KCNJ6: variants seen among roughly 807,000 people sequenced by gnomAD.
The protein encoded by KCNJ6 is G protein-activated inward rectifier potassium channel 2.
Under a neutral mutation model 34.2 loss-of-function variants are expected in KCNJ6, and 9 were observed. The ratio of observed to expected loss-of-function variants is 0.26; its 90% CI spans 0.16 to 0.46. KCNJ6 has a LOEUF of 0.46. KCNJ6 is among the 20% of genes least tolerant of loss of function. KCNJ6 has a pLI of 1.00. For synonymous variants in KCNJ6, 196 were observed against 207.1 expected, an observed-to-expected ratio of 0.95 and a Z score of 0.46; for missense variants, 236 against 531.3, an observed-to-expected ratio of 0.44 and a Z score of 5.46.
In KCNJ6 at chr21:37,711,798, C is replaced by CTG. The variant is rs1556022876; in HGVS notation, c.946+2412_946+2413insCA. Among the ~76,000 whole-genome samples the CTG allele has an allele frequency of 1.8e-4, 13 of 70,756 alleles. No individual in the cohort carries two copies. The East Asian group carries it at 2.9e-3, about 16-fold the overall frequency. The allele number at this position is 70,756 out of a possible 152,430, so 46.4% of individuals were successfully genotyped here. Reference sequence around the variant, plus strand: ...CAGACACCTCCAGAACTTTCTAGAACCCCCCCCCCAAGTCTAGAAATTAGA... The same window carrying CTG: ...CAGACACCTCCAGAACTTTCTAGAACTGCCCCCCCCCAAGTCTAGAAATTAGA... On this transcript the variant is annotated intron_variant, in intron 3 of 3. Coordinates refer to ENST00000609713, the MANE Select transcript of KCNJ6 (RefSeq NM_002240.5).
At chr21:37,676,607 G>A (rs1444809868) in intron 3 of KCNJ6, among the ~76,000 whole-genome samples, 1 of 152,222 alleles carries the variant, frequency 6.6e-6, no homozygotes, top group Non-Finnish European at 1.5e-5. Flanking sequence ...GGCCAGCTTG[G>A]GGAGGTAGCA....
intron 3 of KCNJ6, among the ~76,000 whole-genome samples, chr21:37,635,367 G>T (rs2054352902): frequency 6.6e-6 from 1 of 151,800 alleles, no homozygotes; most frequent in Admixed American, 6.6e-5. Context: ...ATAGGCGCTT[G>T]CCAGCACGCC....
intron 2 of KCNJ6, among the ~76,000 whole-genome samples, chr21:37,759,636 C>T (rs1467528469): frequency 6.6e-6 from 1 of 152,220 alleles, no homozygotes; most frequent in East Asian, 1.9e-4. Flanking sequence ...GTCTAAGTAG[C>T]ACTGTTGGTC....
rs150783679 is a variant in KCNJ6, at chr21:37,672,231, G to A, written c.946+41980C>T. 3.8e-4 allele frequency among the ~76,000 whole-genome samples: 58 copies of A among 152,190 alleles called. No individual in the cohort carries two copies. The East Asian group carries it at 5.0e-3, about 13-fold the overall frequency. On this transcript the variant is annotated intron_variant, in intron 3 of 3. Transcript: ENST00000609713. ...CATATGACCTCCTTAAGGACAATGAGATGCAAAGAAATATAGCTTTAGCTT... is the reference window on the plus strand; with the variant it reads ...CATATGACCTCCTTAAGGACAATGAAATGCAAAGAAATATAGCTTTAGCTT...
intron 2 of KCNJ6, among the ~76,000 whole-genome samples, chr21:37,822,876 G>A (rs2055380366): frequency 6.6e-6 from 1 of 152,168 alleles, no homozygotes; most frequent in Admixed American, 6.5e-5. Flanking sequence ...CGGGGGACTC[G>A]AGAGTGATGT....
chr21:37,848,997 C>T (rs1293495658), intron 1 of KCNJ6, among the ~76,000 whole-genome samples: 2 of 152,128 alleles, frequency 1.3e-5, no homozygotes, highest in Non-Finnish European at 2.9e-5. Flanking sequence ...TCCTAGAGCT[C>T]CTGGAAATAT....
At chr21:37,820,142 G>A (rs143145403) in intron 2 of KCNJ6, among the ~76,000 whole-genome samples, 42 of 152,176 alleles carry the variant, frequency 2.8e-4, no homozygotes, top group African/African-American at 8.9e-4. Context: ...AAAACAAACT[G>A]CAACTAATTA....
intron 2 of KCNJ6, among the ~76,000 whole-genome samples, chr21:37,816,536 G>C (rs1362333487): frequency 6.6e-6 from 1 of 152,236 alleles, no homozygotes; most frequent in Non-Finnish European, 1.5e-5. Flanking sequence ...TTTTGTGTAA[G>C]TCTGTGACCT....
At chr21:37,706,416 C>T (rs959915491) in intron 3 of KCNJ6, among the ~76,000 whole-genome samples, 2 of 152,216 alleles carry the variant, frequency 1.3e-5, no homozygotes, top group Non-Finnish European at 2.9e-5. Context: ...ACATTAGGCA[C>T]TGCCATATGA....
intron 2 of KCNJ6, among the ~76,000 whole-genome samples, chr21:37,749,644 TA>T (rs1486734532): frequency 6.6e-6 from 1 of 152,190 alleles, no homozygotes; most frequent in Non-Finnish European, 1.5e-5. Flanking sequence ...CATTTGTGGT[TA>T]AAAATTTTAG....
At chr21:37,694,155 C>G (rs1184207555) in intron 3 of KCNJ6, among the ~76,000 whole-genome samples, 2 of 152,208 alleles carry the variant, frequency 1.3e-5, no homozygotes, top group Admixed American at 1.3e-4. Flanking sequence ...GTGTTCCCCA[C>G]ACTGCAGCCT....
intron 1 of KCNJ6, among the ~76,000 whole-genome samples, chr21:37,892,117 T>C (rs2055765130): frequency 6.6e-6 from 1 of 152,238 alleles, no homozygotes; most frequent in Admixed American, 6.5e-5. Flanking sequence ...TGGGAGCTTT[T>C]GAAACATACC....
chr21:37,759,203 T>A (rs939850714), intron 2 of KCNJ6, among the ~76,000 whole-genome samples: 18 of 152,174 alleles, frequency 1.2e-4, no homozygotes, highest in Non-Finnish European at 2.9e-5. Flanking sequence ...TTGTCCGGGC[T>A]GCATCTCTGT....
chr21:37,720,531 G>A (rs2054819572), intron 2 of KCNJ6, among the ~76,000 whole-genome samples: 1 of 152,124 alleles, frequency 6.6e-6, no homozygotes, highest in East Asian at 1.9e-4. Context: ...AGGCCTGGGG[G>A]CTGGGGGCGC....
intron 2 of KCNJ6, among the ~76,000 whole-genome samples, chr21:37,827,801 C>T (rs1239103999): frequency 6.6e-6 from 1 of 152,012 alleles, no homozygotes; most frequent in Non-Finnish European, 1.5e-5. Context: ...TTTATATACA[C>T]AGGGAACATA....
intron 2 of KCNJ6, among the ~76,000 whole-genome samples, chr21:37,819,799 C>CT (rs60678115): frequency 2.8e-4 from 42 of 148,592 alleles, no homozygotes; most frequent in Non-Finnish European, 3.0e-4. Flanking sequence ...GTTAAATACA[C>CT]TTTTTTTTTT....
intron 3 of KCNJ6, among the ~76,000 whole-genome samples, chr21:37,688,370 AT>A (rs11461706): frequency 4.5e-4 from 36 of 79,736 alleles, no homozygotes; most frequent in Non-Finnish European, 5.3e-4. Context: ...TTTTAAAAGC[AT>A]TTTTTTTTTA....
In KCNJ6 at chr21:37,617,563, G is replaced by A. The variant is rs1221403898; in HGVS notation, c.*7596C>T. ...AGGGTGGGATTCTATTGGTTGTGGG[G>A]TGGCTCAAACAAACCAAACTCCCAG... On this transcript the variant is annotated 3_prime_UTR_variant, in exon 4 of 4. Transcript: ENST00000609713. 3 of 152,170 alleles carry A rather than the reference G, an allele frequency of 2.0e-5. No homozygotes were observed. The highest frequency in any genetic ancestry group is 1.3e-4 in the Admixed American group (2 of 15,270). The allele number at this position is 152,170 out of a possible 1,614,324, so 9.4% of individuals were successfully genotyped here.
intron 3 of KCNJ6, among the ~76,000 whole-genome samples, chr21:37,686,484 T>TC (rs756302881): frequency 2.5e-4 from 24 of 96,180 alleles, no homozygotes; most frequent in Non-Finnish European, 4.4e-4. Context: ...TTTTTTTTTT[T>TC]GGAGATGGAG....
Sources: gnomAD v4.1 joint callset for allele counts (sites outside exome capture counted in the v4.1 genomes callset) on GRCh38, gnomAD v4.1.1 for gene constraint, MANE v1.5 for transcripts, NCBI Gene and HGNC (gene_info 2026-07-23, HGNC 2026-07-21) for gene names.